ITPK1: variants seen among roughly 807,000 people sequenced by gnomAD.
ITPK1 encodes the protein inositol 1,3,4-trisphosphate 5/6-kinase.
A neutral mutation model predicts 45.3 loss-of-function variants in ITPK1; 21 were observed. That is an observed-to-expected ratio of 0.46 (90% CI 0.33 to 0.67). ITPK1 has a LOEUF of 0.67. Among genes scored for constraint, ITPK1 ranks in the 30% least tolerant of loss-of-function variants. The pLI is 0.02. For missense variants in ITPK1, 474 were observed against 573.5 expected (o/e 0.83, Z 1.77); for synonymous variants, 258 against 253.6 (o/e 1.02, Z -0.16).
intron 3 of ITPK1, among the ~76,000 whole-genome samples, chr14:93,053,746 A>T (rs906715944): frequency 6.6e-6 from 1 of 152,216 alleles, no homozygotes; most frequent in Non-Finnish European, 1.5e-5. Context: ...AGGGTAGGGC[A>T]GATACGGGAA....
chr14:93,108,067 A>G (rs1188242253), intron 2 of ITPK1, among the ~76,000 whole-genome samples: 2 of 152,010 alleles, frequency 1.3e-5, no homozygotes, highest in Non-Finnish European at 2.9e-5. Context: ...CTGTGTGACC[A>G]TGGGCCAGTT....
At chr14:92,982,076 A>G (rs781628413) in intron 5 of ITPK1, among the ~76,000 whole-genome samples, 23 of 152,276 alleles carry the variant, frequency 1.5e-4, no homozygotes, top group Admixed American at 5.9e-4. Context: ...ACATGCCCCA[A>G]GACACCCAGC....
In ITPK1 at chr14:92,976,774, C is replaced by A. The variant is rs546862801; in HGVS notation, c.365-13925G>T. 6.4e-3 allele frequency among the ~76,000 whole-genome samples: 982 copies of A among 152,346 alleles called. 13 individuals are homozygous for A. Among genetic ancestry groups the A allele is most frequent in the African/African-American group, 0.023 (942 of 41,570 alleles). On this transcript the variant is annotated intron_variant, in intron 5 of 10. Transcript: ENST00000267615. Reference sequence around the variant, plus strand: ...AAGCAGAGGCCCTGAGTTGGTTGCACGTTCAAGATCAAAGCCAGCATGTGG... The same window carrying A: ...AAGCAGAGGCCCTGAGTTGGTTGCAAGTTCAAGATCAAAGCCAGCATGTGG...
At chr14:93,107,084 A>G (rs541681755) in intron 2 of ITPK1, among the ~76,000 whole-genome samples, 99 of 152,192 alleles carry the variant, frequency 6.5e-4, no homozygotes, top group Non-Finnish European at 2.1e-4. Flanking sequence ...CAGCGTCCCA[A>G]GTAGCTGGGA....
At chr14:93,028,400 G>A (rs1440359221) in intron 3 of ITPK1, among the ~76,000 whole-genome samples, 1 of 152,208 alleles carries the variant, frequency 6.6e-6, no homozygotes, top group African/African-American at 2.4e-5. Flanking sequence ...CTGTTGACGA[G>A]CTCTCCAGCC....
At chr14:93,093,702 G>A (rs1028782541) in intron 2 of ITPK1, among the ~76,000 whole-genome samples, 1 of 152,176 alleles carries the variant, frequency 6.6e-6, no homozygotes, top group East Asian at 1.9e-4. Context: ...CTGAGTAGTC[G>A]AGGAATAGCC....
Position 93,105,165 on chromosome 14 carries a change from G to A in ITPK1, c.95+9904C>T, listed in dbSNP as rs777144569. Among the ~76,000 whole-genome samples, 6 of 152,162 alleles carry A rather than the reference G, an allele frequency of 3.9e-5. No homozygotes were observed. The East Asian group carries it at 7.7e-4, about 20-fold the overall frequency. ...CCCTCCTGCATGAGGGGGCTCCAGT[G>A]AGGCCTCAGGTGAACGGTGCCAGAC... On this transcript the variant is annotated intron_variant, in intron 2 of 10. Coordinates refer to ENST00000267615, the MANE Select transcript of ITPK1 (RefSeq NM_014216.6).
In ITPK1 at chr14:92,940,000, T is replaced by C. The variant is rs893358336; in HGVS notation, c.*1561A>G. On this transcript the variant is annotated 3_prime_UTR_variant, in exon 11 of 11. Transcript: ENST00000267615. ...TAATCGGGGTTCAAAACTCAAGTCG[T>C]GTAAACGTGGTTAGTTGTTGGGTCC... The C allele has an allele frequency of 1.0e-6, 1 of 985,876 alleles. No homozygotes were observed. The highest frequency in any genetic ancestry group is 4.7e-5 in the South Asian group (1 of 21,292). 61.1% of individuals were successfully genotyped at this position (985,876 alleles called of 1,614,324 possible). A position where few individuals can be genotyped will look rare whatever the true frequency, so the allele number is the denominator to read the frequency against.
chr14:92,940,607 C>A lies in ITPK1; in HGVS notation c.*954G>T, dbSNP rs139795542. ...CTCCATGGTGTCATGCCGAGGCTCC[C>A]GCGCCTATCCTCACCTAGGTGACTT... On this transcript the variant is annotated 3_prime_UTR_variant, in exon 11 of 11. Coordinates refer to ENST00000267615, the MANE Select transcript of ITPK1 (RefSeq NM_014216.6). 1.7e-5 allele frequency: 21 copies of A among 1,204,168 alleles called. No individual in the cohort carries two copies. Among genetic ancestry groups the A allele is most frequent in the Admixed American group, 3.2e-5 (1 of 31,360 alleles). 74.6% of individuals were successfully genotyped at this position (1,204,168 alleles called of 1,614,324 possible).
intron 4 of ITPK1, among the ~76,000 whole-genome samples, chr14:93,006,002 AC>A (rs1887595307): frequency 1.3e-5 from 2 of 151,988 alleles, no homozygotes; most frequent in African/African-American, 4.8e-5. Flanking sequence ...GTCCCACAGA[AC>A]CCCCTGGAAA....
chr14:92,948,812 G>C (rs1339471971), intron 9 of ITPK1, among the ~76,000 whole-genome samples: 1 of 137,466 alleles, frequency 7.3e-6, no homozygotes, highest in Non-Finnish European at 1.6e-5. Flanking sequence ...CACGCTCCGA[G>C]GGACCCATGC....
At position 93,016,508 on chromosome 14, in the gene ITPK1, C is replaced by T. The variant is rs552025413; in HGVS notation, c.246+168G>A. 6.6e-6 allele frequency among the ~76,000 whole-genome samples: 1 copy of T among 152,322 alleles called. No individual in the cohort carries two copies. Among genetic ancestry groups the T allele is most frequent in the South Asian group, 2.1e-4 (1 of 4,828 alleles). On this transcript the variant is annotated intron_variant, in intron 4 of 10. Transcript: ENST00000267615. This position sits in a 1 kb window ranked among gnomAD's most constrained non-coding sequence, Gnocchi z 5.0. ...GCTACACCCGAGGACACTGACGCCGCACAGAAGTACCTGCCCACGAGCCCA... is the reference window on the plus strand; with the variant it reads ...GCTACACCCGAGGACACTGACGCCGTACAGAAGTACCTGCCCACGAGCCCA...
chr14:93,097,092 C>T (rs1297408576), intron 2 of ITPK1, among the ~76,000 whole-genome samples: 1 of 152,194 alleles, frequency 6.6e-6, no homozygotes, highest in African/African-American at 2.4e-5. Context: ...CAGCCCAGCA[C>T]CAGCTGGGCA....
intron 3 of ITPK1, among the ~76,000 whole-genome samples, chr14:93,019,668 C>A (rs1414124413): frequency 6.6e-6 from 1 of 152,126 alleles, no homozygotes; most frequent in Non-Finnish European, 1.5e-5. Context: ...GGGGTCTGTC[C>A]CCTGAACACA....
At chr14:93,020,908 T>G (rs1888430213) in intron 3 of ITPK1, among the ~76,000 whole-genome samples, 1 of 152,108 alleles carries the variant, frequency 6.6e-6, no homozygotes, top group South Asian at 2.1e-4. Context: ...ACTGAGTTGC[T>G]CAATTCTCAC....
chr14:92,990,953 T>C (rs1886751746), intron 5 of ITPK1, among the ~76,000 whole-genome samples: 1 of 152,090 alleles, frequency 6.6e-6, no homozygotes, highest in Admixed American at 6.5e-5. Flanking sequence ...CCACCAGCTC[T>C]GTTTTCCCTG....
rs1239945538 is a variant in ITPK1, at chr14:93,063,093, G to A, written c.120+13502C>T. Reference sequence around the variant, plus strand: ...CATCTCCCATCTCTCTCCCACGCCAGACCCTTCTCCAAGCCCCACTCCTTG... The same window carrying A: ...CATCTCCCATCTCTCTCCCACGCCAAACCCTTCTCCAAGCCCCACTCCTTG... On this transcript the variant is annotated intron_variant, in intron 3 of 10. Transcript: ENST00000267615. This position sits in a 1 kb window ranked among gnomAD's most constrained non-coding sequence, Gnocchi z 4.3. 6.6e-6 allele frequency among the ~76,000 whole-genome samples: 1 copy of A among 151,958 alleles called. No individual in the cohort carries two copies. The highest frequency in any genetic ancestry group is 2.4e-5 in the African/African-American group (1 of 41,374).
At chr14:93,002,092 G>A (rs879730281) in intron 4 of ITPK1, among the ~76,000 whole-genome samples, 9 of 152,186 alleles carry the variant, frequency 5.9e-5, no homozygotes, top group South Asian at 2.1e-4. Flanking sequence ...GGTGGCTCAC[G>A]TCTGTAATTC....
chr14:93,113,726 G>T (rs1454592006), intron 2 of ITPK1, among the ~76,000 whole-genome samples: 1 of 152,156 alleles, frequency 6.6e-6, no homozygotes, highest in Non-Finnish European at 1.5e-5. Flanking sequence ...AATTGCTGGG[G>T]CCACTCTGCA....
Sources: allele counts gnomAD v4.1 joint callset (sites outside exome capture counted in the v4.1 genomes callset), GRCh38; gene constraint gnomAD v4.1.1; non-coding constraint Gnocchi (gnomAD v3.1); transcripts MANE v1.5; gene names NCBI Gene and HGNC (gene_info 2026-07-23, HGNC 2026-07-21).